BTBD9: variants seen among roughly 807,000 people sequenced by gnomAD.
BTBD9 encodes BTB domain containing 9, also known as BTB/POZ domain-containing protein 9.
In BTBD9, 49 loss-of-function variants were observed where a neutral mutation model predicts 64.3. The observed-to-expected ratio is 0.76, with a 90% confidence interval of 0.61 to 0.97. The LOEUF is 0.97. Among genes scored for constraint, BTBD9 ranks in the 50% least tolerant of loss-of-function variants. The probability of loss-of-function intolerance (pLI) is 0.00; values close to 1 mark genes in which losing one functional copy is unlikely to be tolerated. For missense variants in BTBD9, 598 were observed against 762.1 expected, an observed-to-expected ratio of 0.78 and a Z score of 2.53; for synonymous variants, 260 against 274.7, an observed-to-expected ratio of 0.95 and a Z score of 0.53.
At chr6:38,428,120 G>A (rs564249880) in intron 6 of BTBD9, among the ~76,000 whole-genome samples, 1 of 151,874 alleles carries the variant, frequency 6.6e-6, no homozygotes, top group South Asian at 2.1e-4. Flanking sequence ...TGGGTGAGGG[G>A]GATAACAGTG....
intron 6 of BTBD9, among the ~76,000 whole-genome samples, chr6:38,562,576 C>T (rs1347404581): frequency 6.6e-6 from 1 of 152,188 alleles, no homozygotes; most frequent in Non-Finnish European, 1.5e-5. Flanking sequence ...TATCCTTCCA[C>T]ACCATTCTCT....
intron 4 of BTBD9, among the ~76,000 whole-genome samples, chr6:38,583,521 T>C (rs1033056364): frequency 1.3e-5 from 2 of 152,016 alleles, no homozygotes; most frequent in African/African-American, 4.8e-5. Flanking sequence ...ATAAAAAAAC[T>C]AGGCCAAAGA....
chr6:38,272,888 T>A (rs1031348778), intron 8 of BTBD9, among the ~76,000 whole-genome samples: 1 of 152,162 alleles, frequency 6.6e-6, no homozygotes, highest in Non-Finnish European at 1.5e-5. Flanking sequence ...GAGGTTTGCA[T>A]TGGACATCAG....
Position 38,289,309 on chromosome 6 carries a change from G to A in BTBD9, c.1265-848C>T, listed in dbSNP as rs1296920251. 3.3e-5 allele frequency among the ~76,000 whole-genome samples: 5 copies of A among 152,166 alleles called. No individual in the cohort carries two copies. The East Asian group carries it at 9.6e-4, about 29-fold the overall frequency. ...GGATTGCTTGGGCCTGGGAAGCAAT[G>A]GTTGCAGTGAGCCGAGGTCATGCCA... On this transcript the variant is annotated intron_variant, in intron 7 of 10. Coordinates refer to ENST00000481247, the MANE Select transcript of BTBD9 (RefSeq NM_001099272.2).
intron 6 of BTBD9, 36 bp from the exon 7 acceptor site, chr6:38,345,129 G>T: frequency 7.2e-7 from 1 of 1,389,942 alleles, no homozygotes; most frequent in South Asian, 1.2e-5. Flanking sequence ...TGTTGAAAAT[G>T]AGCTCCCACC....
chr6:38,537,441 C>A lies in BTBD9; in HGVS notation c.1154+40159G>T, dbSNP rs138041789. 2.7e-3 allele frequency among the ~76,000 whole-genome samples: 418 copies of A among 152,324 alleles called. 3 individuals are homozygous for A. The highest frequency in any genetic ancestry group is 9.4e-3 in the African/African-American group (390 of 41,576). ...ATTTTTGTGGATATGTAAATATACA[C>A]AAATTATCAAAGACTCCTGCAGGGC... On this transcript the variant is annotated intron_variant, in intron 6 of 10. Coordinates refer to ENST00000481247, the MANE Select transcript of BTBD9 (RefSeq NM_001099272.2).
chr6:38,305,389 G>A (rs1410249900), intron 7 of BTBD9, among the ~76,000 whole-genome samples: 1 of 152,204 alleles, frequency 6.6e-6, no homozygotes, highest in Non-Finnish European at 1.5e-5. Context: ...CTAAAATATT[G>A]TTTGATGGAG....
chr6:38,565,094 T>G (rs796675234), intron 6 of BTBD9, among the ~76,000 whole-genome samples: 4 of 152,304 alleles, frequency 2.6e-5, no homozygotes, highest in African/African-American at 9.6e-5. Flanking sequence ...TGATTTTTTT[T>G]CTCCATATTC....
intron 7 of BTBD9, among the ~76,000 whole-genome samples, chr6:38,334,119 G>C (rs1031876085): frequency 6.6e-6 from 1 of 152,192 alleles, no homozygotes; most frequent in Non-Finnish European, 1.5e-5. Flanking sequence ...CCCTGCTCTA[G>C]GGATGTGTTG....
intron 1 of BTBD9, among the ~76,000 whole-genome samples, chr6:38,614,108 T>C (rs1480451599): frequency 1.3e-5 from 2 of 152,190 alleles, no homozygotes; most frequent in African/African-American, 4.8e-5. Context: ...TCTCCTCTCA[T>C]ACCTCCAGCC....
chr6:38,577,172 G>T (rs1776077543), intron 6 of BTBD9, among the ~76,000 whole-genome samples: 2 of 152,150 alleles, frequency 1.3e-5, no homozygotes, highest in Admixed American at 1.3e-4. Flanking sequence ...GGCATTCAAA[G>T]ATGTCCTCTG....
chr6:38,460,753 AGCT>A (rs1197763190), intron 6 of BTBD9, among the ~76,000 whole-genome samples: 1 of 152,020 alleles, frequency 6.6e-6, no homozygotes, highest in Non-Finnish European at 1.5e-5. Context: ...CCTCCCAAGT[AGCT>A]GGGACTACAG....
chr6:38,515,106 A>C (rs1285650032), intron 6 of BTBD9, among the ~76,000 whole-genome samples: 6 of 152,210 alleles, frequency 3.9e-5, no homozygotes, highest in Non-Finnish European at 5.9e-5. Flanking sequence ...GTAATTTTCC[A>C]GTTTTACAGA....
At chr6:38,436,616 TCCGCCTGCCTTGG>T (rs1768752833) in intron 6 of BTBD9, among the ~76,000 whole-genome samples, 1 of 151,164 alleles carries the variant, frequency 6.6e-6, no homozygotes, top group Non-Finnish European at 1.5e-5. Flanking sequence ...CCTCAGGTCA[TCCGCCTGCCTTGG>T]CCTCCCAGAA....
chr6:38,586,864 A>T (rs1434851578), intron 4 of BTBD9, among the ~76,000 whole-genome samples: 1 of 151,916 alleles, frequency 6.6e-6, no homozygotes, highest in African/African-American at 2.4e-5. Context: ...GGAGTTCAAG[A>T]CCAGCCTGGC....
intron 6 of BTBD9, among the ~76,000 whole-genome samples, chr6:38,450,873 T>C (rs560247996): frequency 5.4e-4 from 83 of 152,342 alleles, no homozygotes; most frequent in African/African-American, 1.9e-3. Flanking sequence ...TCAAGGTTAA[T>C]AACTAGACTA....
chr6:38,334,809 T>C (rs1020269518), intron 7 of BTBD9, among the ~76,000 whole-genome samples: 3 of 151,864 alleles, frequency 2.0e-5, no homozygotes, highest in African/African-American at 7.3e-5. Flanking sequence ...ATAAAGTAAA[T>C]CCTATAAAAC....
intron 7 of BTBD9, among the ~76,000 whole-genome samples, chr6:38,297,612 T>C (rs561966941): frequency 1.3e-5 from 2 of 152,306 alleles, no homozygotes; most frequent in South Asian, 4.1e-4. Flanking sequence ...CATTGTCTAC[T>C]ATTTCCTTAG....
chr6:38,183,202 G>C (rs867802694), intron 10 of BTBD9, among the ~76,000 whole-genome samples: 1 of 152,092 alleles, frequency 6.6e-6, no homozygotes, highest in Non-Finnish European at 1.5e-5. Flanking sequence ...GGATGGTCTC[G>C]ATCTGACCTC....
Sources: gnomAD v4.1 joint callset for allele counts (sites outside exome capture counted in the v4.1 genomes callset) on GRCh38, gnomAD v4.1.1 for gene constraint, MANE v1.5 for transcripts, NCBI Gene and HGNC (gene_info 2026-07-23, HGNC 2026-07-21) for gene names.